CFAP95: variants seen among roughly 807,000 people sequenced by gnomAD.
CFAP95 encodes cilia- and flagella-associated protein 95.
At chr9:69,906,103 T>A in the CFAP95 span, 1 of 1,610,708 alleles carries the variant, frequency 6.2e-7, no homozygotes, top group Non-Finnish European at 8.5e-7. Flanking sequence ...AGAAACTCTA[T>A]CCCTTGACTA....
chr9:69,896,200 A>C, the CFAP95 span, among the ~76,000 whole-genome samples: 2 of 152,204 alleles, frequency 1.3e-5, no homozygotes, highest in East Asian at 3.8e-4. Flanking sequence ...TCCTCACATA[A>C]TATAGACTGA....
At chr9:69,891,225 C>T in the CFAP95 span, among the ~76,000 whole-genome samples, 1 of 152,086 alleles carries the variant, frequency 6.6e-6, no homozygotes, top group South Asian at 2.1e-4. Context: ...GCAGTTAGTC[C>T]CTGAAATGGC....
the CFAP95 span, among the ~76,000 whole-genome samples, chr9:69,851,616 C>T: frequency 1.2e-4 from 18 of 151,990 alleles, no homozygotes; most frequent in Admixed American, 2.0e-4. Flanking sequence ...TTAATTGAGA[C>T]TATTTTGTGA....
At chr9:69,886,755 T>TA in the CFAP95 span, 1 of 970,452 alleles carries the variant, frequency 1.0e-6, no homozygotes, top group Non-Finnish European at 1.6e-6. Context: ...TGTTTTTATT[T>TA]CATGTAAAGT....
chr9:69,876,297 C>A, the CFAP95 span, among the ~76,000 whole-genome samples: 1 of 152,118 alleles, frequency 6.6e-6, no homozygotes, highest in Non-Finnish European at 1.5e-5. Context: ...TTTTGGGAGA[C>A]CAAGGCAGGT....
At chr9:69,847,142 C>T in the CFAP95 span, among the ~76,000 whole-genome samples, 1 of 152,216 alleles carries the variant, frequency 6.6e-6, no homozygotes, top group East Asian at 1.9e-4. Context: ...AGAGACTTGC[C>T]TAAGACTTTT....
the CFAP95 span, among the ~76,000 whole-genome samples, chr9:69,869,638 A>G: frequency 1.3e-5 from 2 of 152,154 alleles, no homozygotes; most frequent in African/African-American, 4.8e-5. Flanking sequence ...GAGGAGATGG[A>G]TATGTTAATT....
At chr9:69,866,033 G>A in the CFAP95 span, among the ~76,000 whole-genome samples, 1 of 152,140 alleles carries the variant, frequency 6.6e-6, no homozygotes, top group Non-Finnish European at 1.5e-5. Context: ...GATTTGAGCT[G>A]AGATAGTTTA....
the CFAP95 span, among the ~76,000 whole-genome samples, chr9:69,862,663 G>C: frequency 6.6e-6 from 1 of 152,182 alleles, no homozygotes; most frequent in African/African-American, 2.4e-5. Context: ...TAAGGTTTAG[G>C]TTACCTGTTA....
chr9:69,849,054 G>C, the CFAP95 span, among the ~76,000 whole-genome samples: 2 of 152,158 alleles, frequency 1.3e-5, no homozygotes, highest in Admixed American at 6.5e-5. Context: ...GTATGTAAAA[G>C]AGCAGTCCAT....
the CFAP95 span, among the ~76,000 whole-genome samples, chr9:69,866,968 A>T: frequency 2.0e-5 from 3 of 152,172 alleles, no homozygotes; most frequent in African/African-American, 7.2e-5. Flanking sequence ...GTGACGGCTT[A>T]CTAGTTGGCA....
chr9:69,905,969 G>A, the CFAP95 span: 10 of 1,604,280 alleles, frequency 6.2e-6, no homozygotes, highest in East Asian at 2.0e-4. Flanking sequence ...TCCCTGTCAA[G>A]ATGATTATTC....
the CFAP95 span, chr9:69,856,685 ACTTTT>A: frequency 3.6e-5 from 56 of 1,561,390 alleles, no homozygotes; most frequent in East Asian, 4.5e-5. Context: ...TATTCTTAAT[ACTTTT>A]CTTTACTTTA....
chr9:69,900,728 C>T, the CFAP95 span, among the ~76,000 whole-genome samples: 1 of 152,132 alleles, frequency 6.6e-6, no homozygotes, highest in Non-Finnish European at 1.5e-5. Flanking sequence ...TCATCCATGC[C>T]ACAGGAAAAC....
chr9:69,866,235 A>G, the CFAP95 span, among the ~76,000 whole-genome samples: 1 of 152,170 alleles, frequency 6.6e-6, no homozygotes, highest in African/African-American at 2.4e-5. Context: ...CAGAACCAAT[A>G]TGATATGTAT....
chr9:69,832,620 A>ATTTTTTTTTTTTTTTTT, the CFAP95 span, among the ~76,000 whole-genome samples: 6 of 11,350 alleles, frequency 5.3e-4, no homozygotes, highest in African/African-American at 1.3e-3. Context: ...GTCTATTCGG[A>ATTTTTTTTTTTTTTTTT]TTTTTTTTTT....
At chr9:69,849,757 A>G in the CFAP95 span, among the ~76,000 whole-genome samples, 1 of 152,154 alleles carries the variant, frequency 6.6e-6, no homozygotes, top group African/African-American at 2.4e-5. Context: ...TCCTATTTCA[A>G]TGGTCCCTCA....
the CFAP95 span, chr9:69,857,890 A>G: frequency 6.2e-7 from 1 of 1,610,974 alleles, no homozygotes; most frequent in Non-Finnish European, 8.5e-7. Context: ...TTTTCTAAAA[A>G]AATGTTATCT....
the CFAP95 span, among the ~76,000 whole-genome samples, chr9:69,874,983 A>G: frequency 6.6e-6 from 1 of 152,206 alleles, no homozygotes; most frequent in Non-Finnish European, 1.5e-5. Context: ...CCCCAAGACA[A>G]TGCCTAGAAA....
Sources: allele counts gnomAD v4.1 joint callset (sites outside exome capture counted in the v4.1 genomes callset), GRCh38; gene constraint gnomAD v4.1.1; transcripts MANE v1.5; gene names NCBI Gene and HGNC (gene_info 2026-07-23, HGNC 2026-07-21).